The following HS6ST3 variants were observed in gnomAD, a reference collection of about 807,000 sequenced individuals.
HS6ST3 encodes heparan-sulfate 6-O-sulfotransferase 3.
HS6ST3 carries 12 observed loss-of-function variants against 36.7 expected under a neutral mutation model. The ratio of observed to expected loss-of-function variants is 0.33; its 90% confidence interval spans 0.21 to 0.53. The LOEUF (loss-of-function observed/expected upper bound fraction) is 0.53. Among genes scored for constraint, HS6ST3 ranks in the 20% least tolerant of loss-of-function variants. The probability of loss-of-function intolerance (pLI) is 0.95; values close to 1 mark genes in which losing one functional copy is unlikely to be tolerated. For missense variants in HS6ST3, 584 were observed against 640.9 expected (o/e 0.91, Z 0.96); for synonymous variants, 240 against 257.5 (o/e 0.93, Z 0.65).
intron 1 of HS6ST3, among the ~76,000 whole-genome samples, chr13:96,329,064 TTCTC>T (rs958467402): frequency 6.6e-6 from 1 of 150,970 alleles, no homozygotes; most frequent in Non-Finnish European, 1.5e-5. Flanking sequence ...TATTTGATTC[TTCTC>T]TCTTTTTTTC....
At chr13:96,168,078 C>T (rs2054169614) in intron 1 of HS6ST3, among the ~76,000 whole-genome samples, 1 of 152,072 alleles carries the variant, frequency 6.6e-6, no homozygotes, top group Non-Finnish European at 1.5e-5. Flanking sequence ...ACTCTAGTTG[C>T]CTTGGTTACT....
chr13:96,768,204 C>T (rs1877168735), intron 1 of HS6ST3, among the ~76,000 whole-genome samples: 1 of 152,132 alleles, frequency 6.6e-6, no homozygotes, highest in Non-Finnish European at 1.5e-5. Flanking sequence ...CTTGATGATG[C>T]TTGGAAGGTA....
intron 1 of HS6ST3, among the ~76,000 whole-genome samples, chr13:96,594,265 C>G (rs2056393854): frequency 2.0e-5 from 3 of 151,866 alleles, no homozygotes; most frequent in South Asian, 4.2e-4. Context: ...GCCACCGCAC[C>G]TGGCCAGGGT....
chr13:96,275,721 C>T (rs1184390413), intron 1 of HS6ST3, among the ~76,000 whole-genome samples: 2 of 152,080 alleles, frequency 1.3e-5, no homozygotes, highest in Non-Finnish European at 2.9e-5. Context: ...TCTTTGTTTC[C>T]TCAAGTTGTG....
chr13:96,804,170 A>G (rs1878146246), intron 1 of HS6ST3, among the ~76,000 whole-genome samples: 1 of 151,902 alleles, frequency 6.6e-6, no homozygotes, highest in Non-Finnish European at 1.5e-5. Context: ...AGAAAAAGGC[A>G]TGGAGTCAAG....
At chr13:96,422,217 A>G (rs1421975453) in intron 1 of HS6ST3, among the ~76,000 whole-genome samples, 1 of 152,220 alleles carries the variant, frequency 6.6e-6, no homozygotes, top group Admixed American at 6.5e-5. Flanking sequence ...ACTCTCAGGC[A>G]GTGAGCCACT....
chr13:96,729,401 C>T (rs1197581466), intron 1 of HS6ST3, among the ~76,000 whole-genome samples: 2 of 152,128 alleles, frequency 1.3e-5, no homozygotes, highest in African/African-American at 2.4e-5. Context: ...GATGATGGAG[C>T]AAAACCTGGG....
chr13:96,719,643 A>G (rs1013143997), intron 1 of HS6ST3, among the ~76,000 whole-genome samples: 3 of 152,188 alleles, frequency 2.0e-5, no homozygotes, highest in African/African-American at 7.2e-5. Flanking sequence ...GTTTTACATT[A>G]TGTGATCTGC....
At chr13:96,152,147 A>G (rs1442591839) in intron 1 of HS6ST3, among the ~76,000 whole-genome samples, 2 of 152,168 alleles carry the variant, frequency 1.3e-5, no homozygotes. Flanking sequence ...CTCTCAAGAT[A>G]TAAAGTTACA....
rs1399237749 is a variant in HS6ST3 at position 96,419,954 on chromosome 13, G to A, written c.707+328385G>A. ...TAAGGCCATATTCACAAGTACTAAG[G>A]GATAGGGCTTCCTCATGTCTTTTGA... On this transcript the variant is annotated intron_variant, in intron 1 of 1. Transcript: ENST00000376705. Among the ~76,000 whole-genome samples, 80 of 152,134 alleles carry A rather than the reference G, an allele frequency of 5.3e-4. 4 individuals are homozygous for A. The highest frequency in any genetic ancestry group is 5.1e-3 in the Admixed American group (78 of 15,264).
chr13:96,094,352 T>A (rs1198547467), intron 1 of HS6ST3, among the ~76,000 whole-genome samples: 1 of 152,206 alleles, frequency 6.6e-6, no homozygotes. Flanking sequence ...ATTGCAACGA[T>A]AGGTTCCCCA....
intron 1 of HS6ST3, among the ~76,000 whole-genome samples, chr13:96,823,615 T>A (rs1339903306): frequency 5.3e-5 from 8 of 152,138 alleles, no homozygotes; most frequent in Admixed American, 5.2e-4. Flanking sequence ...AGGTAATTTT[T>A]ATTTTCTTCT....
At chr13:96,680,907 AT>A (rs1485416871) in intron 1 of HS6ST3, among the ~76,000 whole-genome samples, 1 of 152,252 alleles carries the variant, frequency 6.6e-6, no homozygotes, top group Admixed American at 6.5e-5. Context: ...CCACATAAAC[AT>A]CTTGGAATGC....
intron 1 of HS6ST3, among the ~76,000 whole-genome samples, chr13:96,092,072 G>T (rs1265939796): frequency 6.6e-6 from 1 of 152,168 alleles, no homozygotes; most frequent in Non-Finnish European, 1.5e-5. Flanking sequence ...TTGGATGGCA[G>T]CTCAGGAAAC....
chr13:96,330,067 T>C (rs1157219916), intron 1 of HS6ST3, among the ~76,000 whole-genome samples: 1 of 146,922 alleles, frequency 6.8e-6, no homozygotes, highest in Non-Finnish European at 1.5e-5. Flanking sequence ...ATTTTGAGCC[T>C]ATGTGTGTCT....
intron 1 of HS6ST3, among the ~76,000 whole-genome samples, chr13:96,510,041 C>T (rs111467975): frequency 0.058 from 8,881 of 151,896 alleles, 307 homozygotes; most frequent in Middle Eastern, 0.088. Flanking sequence ...TGTGGTTCTC[C>T]GTGTAGAGAT....
chr13:96,230,045 G>A (rs9525160), intron 1 of HS6ST3, among the ~76,000 whole-genome samples: 75,263 of 152,028 alleles, frequency 0.5, 18,788 homozygotes, highest in Admixed American at 0.58. Flanking sequence ...GAGCATGGGA[G>A]GAACATGTTG....
chr13:96,558,116 T>C (rs1047301113), intron 1 of HS6ST3, among the ~76,000 whole-genome samples: 1 of 152,230 alleles, frequency 6.6e-6, no homozygotes, highest in Non-Finnish European at 1.5e-5. Context: ...TTTGCTTTTT[T>C]ATCTCTATCT....
chr13:96,379,704 C>T (rs1391387744), intron 1 of HS6ST3, among the ~76,000 whole-genome samples: 2 of 152,160 alleles, frequency 1.3e-5, no homozygotes, highest in African/African-American at 2.4e-5. Flanking sequence ...TCTGAATCTA[C>T]TGGTTATAAT....
Sources: gnomAD v4.1 joint callset for allele counts (sites outside exome capture counted in the v4.1 genomes callset) on GRCh38, gnomAD v4.1.1 for gene constraint, MANE v1.5 for transcripts, NCBI Gene and HGNC (gene_info 2026-07-23, HGNC 2026-07-21) for gene names.